AGBL4: variants seen among roughly 807,000 people sequenced by gnomAD.
AGBL4 encodes cytosolic carboxypeptidase 6.
A neutral mutation model predicts 66.4 loss-of-function variants in AGBL4; 58 were observed. The observed-to-expected ratio is 0.87, with a 90% CI of 0.71 to 1.09. The LOEUF is 1.09. AGBL4 is among the 50% of genes least tolerant of loss of function. The pLI is 0.00. For missense variants in AGBL4, 579 were observed against 631.0 expected, an observed-to-expected ratio of 0.92 and a Z score of 0.88; for synonymous variants, 234 against 222.9, an observed-to-expected ratio of 1.05 and a Z score of -0.44.
At chr1:48,990,997 T>A (rs760417018) in intron 5 of AGBL4, among the ~76,000 whole-genome samples, 86 of 152,032 alleles carry the variant, frequency 5.7e-4, no homozygotes, top group Non-Finnish European at 1.1e-3. Flanking sequence ...ATATGAGTAG[T>A]TTACACACCA....
At chr1:48,922,365 T>A (rs1404542056) in intron 5 of AGBL4, among the ~76,000 whole-genome samples, 1 of 151,984 alleles carries the variant, frequency 6.6e-6, no homozygotes, top group African/African-American at 2.4e-5. Context: ...AAGAAAAAAA[T>A]TAGCTGGCAG....
rs189651179 is a variant in AGBL4, at chr1:49,449,007, T to C, written c.283-203143A>G. Reference sequence around the variant, plus strand: ...TGAGTTATTAATAAAAGGATAATGTTTATAAAATAATTGAAAACTGAATAA... The same window carrying C: ...TGAGTTATTAATAAAAGGATAATGTCTATAAAATAATTGAAAACTGAATAA... On this transcript the variant is annotated intron_variant, in intron 3 of 13. Transcript: ENST00000371839. Among the ~76,000 whole-genome samples the C allele has an allele frequency of 1.6e-3, 239 of 152,102 alleles. 2 individuals are homozygous for C. The highest frequency in any genetic ancestry group is 4.9e-3 in the African/African-American group (203 of 41,524).
chr1:49,491,154 C>A lies in AGBL4; in HGVS notation c.282+206159G>T, dbSNP rs1306059300. ...ACCCTCCCTTGTGTCTAATGCAGTA[C>A]TGGTACATAATCAGAGTTTAATATT... On this transcript the variant is annotated intron_variant, in intron 3 of 13. Transcript: ENST00000371839. Among the ~76,000 whole-genome samples, 6 of 151,808 alleles carry A rather than the reference C, an allele frequency of 4.0e-5. 1 individual carries two copies.
intron 1 of AGBL4, among the ~76,000 whole-genome samples, chr1:49,940,421 A>C (rs1277513782): frequency 6.6e-6 from 1 of 152,194 alleles, no homozygotes; most frequent in Non-Finnish European, 1.5e-5. Flanking sequence ...TTGCGGCATT[A>C]TTCACAATAG....
chr1:49,023,859 T>C (rs1465005769), intron 5 of AGBL4, among the ~76,000 whole-genome samples: 1 of 152,186 alleles, frequency 6.6e-6, no homozygotes, highest in Admixed American at 6.5e-5. Context: ...TTAAAACATG[T>C]GAGGACATTA....
chr1:48,956,750 G>T (rs1457544121), intron 5 of AGBL4, among the ~76,000 whole-genome samples: 2 of 152,220 alleles, frequency 1.3e-5, no homozygotes, highest in East Asian at 3.9e-4. Flanking sequence ...TTTCCTCAAA[G>T]AACTTGCTGA....
At chr1:49,502,261 G>T (rs533354771) in intron 3 of AGBL4, among the ~76,000 whole-genome samples, 1 of 152,204 alleles carries the variant, frequency 6.6e-6, no homozygotes, top group East Asian at 1.9e-4. Flanking sequence ...ACTTGGACTG[G>T]CTTCCTTTCT....
chr1:49,917,579 T>C (rs1451194891), intron 1 of AGBL4, among the ~76,000 whole-genome samples: 1 of 152,138 alleles, frequency 6.6e-6, no homozygotes, highest in Non-Finnish European at 1.5e-5. Flanking sequence ...CCAAGATTCA[T>C]AAAGCAAGTC....
chr1:49,771,103 A>G (rs1644044198), intron 2 of AGBL4, among the ~76,000 whole-genome samples: 1 of 152,032 alleles, frequency 6.6e-6, no homozygotes, highest in Non-Finnish European at 1.5e-5. Context: ...GTTATTCATT[A>G]GACATCCTTC....
chr1:49,368,626 T>C (rs1429248887), intron 3 of AGBL4, among the ~76,000 whole-genome samples: 5 of 152,138 alleles, frequency 3.3e-5, no homozygotes, highest in African/African-American at 1.2e-4. Context: ...CTCTGACAGC[T>C]CCAGGAGAAG....
At chr1:49,668,788 A>G (rs2124516896) in intron 3 of AGBL4, among the ~76,000 whole-genome samples, 1 of 152,284 alleles carries the variant, frequency 6.6e-6, no homozygotes, top group African/African-American at 2.4e-5. Flanking sequence ...ATCTTGCTAA[A>G]CCATCAACTA....
At chr1:49,382,367 T>G (rs759901979) in intron 3 of AGBL4, among the ~76,000 whole-genome samples, 9 of 151,730 alleles carry the variant, frequency 5.9e-5, no homozygotes, top group Non-Finnish European at 1.0e-4. Context: ...TAAAAAGCAA[T>G]CAGTATAATA....
intron 2 of AGBL4, among the ~76,000 whole-genome samples, chr1:49,701,273 C>A (rs1300959538): frequency 1.3e-5 from 2 of 150,222 alleles, no homozygotes; most frequent in Non-Finnish European, 3.0e-5. Context: ...GCCTGGGTAA[C>A]AGAGTGAGAC....
At chr1:49,276,233 T>A (rs1644165323) in intron 3 of AGBL4, among the ~76,000 whole-genome samples, 1 of 152,154 alleles carries the variant, frequency 6.6e-6, no homozygotes, top group African/African-American at 2.4e-5. Context: ...AGAGACTGAT[T>A]TAAAAAGCCA....
At chr1:48,691,536 G>A (rs561043830) in intron 6 of AGBL4, among the ~76,000 whole-genome samples, 7 of 152,264 alleles carry the variant, frequency 4.6e-5, no homozygotes, top group African/African-American at 9.6e-5. Flanking sequence ...GAGAATGTTC[G>A]CTCAGGGAGG....
chr1:49,704,064 G>A (rs538197200), intron 2 of AGBL4, among the ~76,000 whole-genome samples: 4 of 152,042 alleles, frequency 2.6e-5, no homozygotes, highest in East Asian at 1.9e-4. Flanking sequence ...AAATATTATC[G>A]AGAGAATTTG....
At chr1:49,933,112 G>A (rs997627426) in intron 1 of AGBL4, among the ~76,000 whole-genome samples, 1 of 152,092 alleles carries the variant, frequency 6.6e-6, no homozygotes. Context: ...ATTCTACACT[G>A]AGATAAACCT....
chr1:50,001,381 C>T (rs2148419786), intron 1 of AGBL4, among the ~76,000 whole-genome samples: 1 of 151,234 alleles, frequency 6.6e-6, no homozygotes, highest in South Asian at 2.1e-4. Context: ...TACCTTACAT[C>T]TCTGGTGAAT....
intron 3 of AGBL4, among the ~76,000 whole-genome samples, chr1:49,468,442 C>G (rs889375205): frequency 6.6e-6 from 1 of 151,674 alleles, no homozygotes; most frequent in Non-Finnish European, 1.5e-5. Context: ...TCTGAAAGAT[C>G]AAAGTCCCCC....
Sources: allele counts gnomAD v4.1 joint callset (sites outside exome capture counted in the v4.1 genomes callset), GRCh38; gene constraint gnomAD v4.1.1; transcripts MANE v1.5; gene names NCBI Gene and HGNC (gene_info 2026-07-23, HGNC 2026-07-21).